The following CCSER1 variants were observed in gnomAD, a reference collection of about 807,000 sequenced individuals.
The protein encoded by CCSER1 is serine-rich coiled-coil domain-containing protein 1.
A neutral mutation model predicts 82.0 loss-of-function variants in CCSER1; 41 were observed. The ratio of observed to expected loss-of-function variants is 0.50; its 90% CI spans 0.39 to 0.65. The LOEUF is 0.65. CCSER1 is among the 30% of genes least tolerant of loss of function. CCSER1 has a pLI of 0.00. For missense variants in CCSER1, 1,119 were observed against 1,064.2 expected (o/e 1.05, Z -0.72); for synonymous variants, 414 against 383.9 (o/e 1.08, Z -0.92).
rs1340532805 is a variant in CCSER1 at position 91,599,147 on chromosome 4, C to G, written c.*90C>G. The G allele has an allele frequency of 3.5e-5, 48 of 1,371,024 alleles. No homozygotes were observed. Among genetic ancestry groups the G allele is most frequent in the Non-Finnish European group, 4.4e-5 (46 of 1,039,274 alleles). The allele number at this position is 1,371,024 out of a possible 1,614,324, so 84.9% of individuals were successfully genotyped here. A position where few individuals can be genotyped will look rare whatever the true frequency, so the allele number is the denominator to read the frequency against. On this transcript the variant is annotated 3_prime_UTR_variant, in exon 11 of 11. Coordinates refer to ENST00000509176, the MANE Select transcript of CCSER1 (RefSeq NM_001145065.2). Reference sequence around the variant, plus strand: ...ATATTAAAATTGTCATGTACTTTTTCTTACATTTTAGTTATAAACAGAGTT... The same window carrying G: ...ATATTAAAATTGTCATGTACTTTTTGTTACATTTTAGTTATAAACAGAGTT...
At position 90,553,032 on chromosome 4, in the gene CCSER1, A is replaced by G. The variant is rs574824587; in HGVS notation, c.1725-74993A>G. On this transcript the variant is annotated intron_variant, in intron 5 of 10. Transcript: ENST00000509176. ...TGTCATCAGGCTGGAGTGCAGTGGT[A>G]CAATCTCGGCTCACTGCAACCTCCA... 4.7e-5 allele frequency among the ~76,000 whole-genome samples: 7 copies of G among 149,520 alleles called. No homozygotes were observed. The South Asian group carries it at 6.3e-4, about 14-fold the overall frequency.
chr4:91,098,375 A>G (rs1724716589), intron 10 of CCSER1, among the ~76,000 whole-genome samples: 1 of 152,250 alleles, frequency 6.6e-6, no homozygotes. Flanking sequence ...GCCAACCTGC[A>G]ACATTAGCAC....
At chr4:90,349,353 CA>C (rs1377905474) in intron 3 of CCSER1, among the ~76,000 whole-genome samples, 7 of 151,782 alleles carry the variant, frequency 4.6e-5, no homozygotes, top group Non-Finnish European at 1.0e-4. Context: ...TTTTAGCAGT[CA>C]AAAGATCTTA....
chr4:90,744,779 A>T (rs960642984), intron 7 of CCSER1, among the ~76,000 whole-genome samples: 1 of 152,078 alleles, frequency 6.6e-6, no homozygotes, highest in Non-Finnish European at 1.5e-5. Flanking sequence ...AGGTTGTGTG[A>T]TCCTATGAGA....
At chr4:90,169,289 G>A (rs1396493572) in intron 1 of CCSER1, among the ~76,000 whole-genome samples, 1 of 152,026 alleles carries the variant, frequency 6.6e-6, no homozygotes, top group Non-Finnish European at 1.5e-5. Flanking sequence ...TCTGTTATTG[G>A]TGTATAGGAA....
At chr4:90,420,511 A>G (rs528978424) in intron 4 of CCSER1, among the ~76,000 whole-genome samples, 3 of 152,176 alleles carry the variant, frequency 2.0e-5, no homozygotes, top group South Asian at 2.1e-4. Context: ...TTTGATTTTT[A>G]TGGTAGTTGC....
chr4:90,487,798 T>C (rs1359955834), intron 5 of CCSER1, among the ~76,000 whole-genome samples: 1 of 152,130 alleles, frequency 6.6e-6, no homozygotes, highest in African/African-American at 2.4e-5. Context: ...CAAGCCACTA[T>C]GCCCGGCTAA....
chr4:90,273,446 G>C (rs980092507), intron 1 of CCSER1, among the ~76,000 whole-genome samples: 1 of 152,186 alleles, frequency 6.6e-6, no homozygotes, highest in Non-Finnish European at 1.5e-5. Flanking sequence ...TACATTGTAT[G>C]CCTGTATCAG....
intron 9 of CCSER1, among the ~76,000 whole-genome samples, chr4:91,054,534 T>C (rs567290967): frequency 1.3e-5 from 2 of 152,306 alleles, no homozygotes; most frequent in African/African-American, 4.8e-5. Flanking sequence ...TCACCCTTGC[T>C]CTCTTTTGAT....
chr4:90,713,560 C>G (rs113227101), intron 6 of CCSER1, among the ~76,000 whole-genome samples: 30,999 of 151,586 alleles, frequency 0.2, 3,515 homozygotes, highest in Middle Eastern at 0.27. Flanking sequence ...GCCTTTCTCT[C>G]TGGCTGCCCT....
intron 5 of CCSER1, among the ~76,000 whole-genome samples, chr4:90,506,360 A>G (rs1236808293): frequency 5.3e-5 from 8 of 152,228 alleles, no homozygotes; most frequent in Non-Finnish European, 1.0e-4. Context: ...AATATAAAAT[A>G]TGCATATGTT....
intron 3 of CCSER1, among the ~76,000 whole-genome samples, chr4:90,358,023 G>T (rs915545724): frequency 3.3e-5 from 5 of 151,942 alleles, no homozygotes; most frequent in African/African-American, 1.2e-4. Context: ...TGAAGTCCTT[G>T]GGAACTCACT....
rs180940761 is a variant in CCSER1 at position 91,289,682 on chromosome 4, G to C, written c.2217+203688G>C. Among the ~76,000 whole-genome samples the C allele has an allele frequency of 1.6e-3, 237 of 152,128 alleles. 2 individuals are homozygous for C. Among genetic ancestry groups the C allele is most frequent in the African/African-American group, 5.3e-3 (221 of 41,520 alleles). On this transcript the variant is annotated intron_variant, in intron 10 of 10. Coordinates refer to ENST00000509176, the MANE Select transcript of CCSER1 (RefSeq NM_001145065.2). Reference sequence around the variant, plus strand: ...CTGAAACACAAAAGGAAAAAAATATGTGGTGGGATTATGGGATGGGGGAAG... The same window carrying C: ...CTGAAACACAAAAGGAAAAAAATATCTGGTGGGATTATGGGATGGGGGAAG...
chr4:91,170,441 AC>A (rs1157032794), intron 10 of CCSER1, among the ~76,000 whole-genome samples: 1 of 152,106 alleles, frequency 6.6e-6, no homozygotes, highest in Non-Finnish European at 1.5e-5. Flanking sequence ...TTCTGAAAAC[AC>A]GTGACTGTGT....
At chr4:90,148,093 A>C (rs1345980648) in intron 1 of CCSER1, among the ~76,000 whole-genome samples, 2 of 152,170 alleles carry the variant, frequency 1.3e-5, no homozygotes, top group Admixed American at 6.5e-5. Context: ...TGATCCTGGG[A>C]GGTGGAGGTT....
chr4:91,191,024 C>T (rs1560505655), intron 10 of CCSER1, among the ~76,000 whole-genome samples: 1 of 152,128 alleles, frequency 6.6e-6, no homozygotes, highest in Non-Finnish European at 1.5e-5. Context: ...TGCTTTATAA[C>T]ATATGCTATT....
chr4:91,046,750 G>C (rs1742530793), intron 9 of CCSER1, among the ~76,000 whole-genome samples: 1 of 151,752 alleles, frequency 6.6e-6, no homozygotes, highest in South Asian at 2.1e-4. Context: ...ATGGAGTCTT[G>C]CTCTGTCTCC....
rs943624967 is a variant in CCSER1, at chr4:91,357,883, C to G, written c.2218-240689C>G. Among the ~76,000 whole-genome samples, 6 of 73,204 alleles carry G rather than the reference C, an allele frequency of 8.2e-5. No homozygotes were observed. In the East Asian group the frequency reaches 3.0e-3, roughly 36 times the overall value. The allele number at this position is 73,204 out of a possible 152,430, so 48.0% of individuals were successfully genotyped here. Reference sequence around the variant, plus strand: ...TTTACCTAAATTCTGCCTGCCCCCCCCCCCTTTTTTTTTTTTTTTTGAAGA... The same window carrying G: ...TTTACCTAAATTCTGCCTGCCCCCCGCCCCTTTTTTTTTTTTTTTTGAAGA... On this transcript the variant is annotated intron_variant, in intron 10 of 10. Coordinates refer to ENST00000509176, the MANE Select transcript of CCSER1 (RefSeq NM_001145065.2).
chr4:91,065,179 GT>G (rs1720679323), intron 9 of CCSER1, among the ~76,000 whole-genome samples: 1 of 152,056 alleles, frequency 6.6e-6, no homozygotes, highest in African/African-American at 2.4e-5. Context: ...GAGAATGTGA[GT>G]TCTTTTTAGG....
Sources: gnomAD v4.1 joint callset for allele counts (sites outside exome capture counted in the v4.1 genomes callset) on GRCh38, gnomAD v4.1.1 for gene constraint, MANE v1.5 for transcripts, NCBI Gene and HGNC (gene_info 2026-07-23, HGNC 2026-07-21) for gene names.